The following ANKFN1 variants were observed in gnomAD, a reference collection of about 807,000 sequenced individuals.
ANKFN1 encodes ankyrin repeat and fibronectin type-III domain-containing protein 1.
Under a neutral mutation model 108.7 loss-of-function variants are expected in ANKFN1, and 74 were observed. The observed-to-expected ratio is 0.68, with a 90% CI of 0.56 to 0.83. The LOEUF (loss-of-function observed/expected upper bound fraction) is 0.83, where lower values mean the gene tolerates loss of function less well. ANKFN1 is among the 40% of genes least tolerant of loss of function. The pLI is 0.00. For synonymous variants in ANKFN1, 547 were observed against 516.2 expected (o/e 1.06, Z -0.81); for missense variants, 1,505 against 1,382.3 (o/e 1.09, Z -1.41).
intron 3 of ANKFN1, among the ~76,000 whole-genome samples, chr17:56,286,571 C>T (rs1330677581): frequency 2.6e-5 from 4 of 152,168 alleles, no homozygotes; most frequent in African/African-American, 7.2e-5. Context: ...TACATGGCCT[C>T]TCCATGTGAC....
At position 56,372,802 on chromosome 17, in the gene ANKFN1, G is replaced by A. The variant is rs752022371; in HGVS notation, c.758G>A (p.Arg253Gln). ...CTGAAAGCTTGGGAGTGGAGGTATCGGCTCTACAGACGCATGAAAACAGGC... is the reference window on the plus strand; with the variant it reads ...CTGAAAGCTTGGGAGTGGAGGTATCAGCTCTACAGACGCATGAAAACAGGC... ...KQLKAWEWRY[R>Q]LYRRMKTGFE... The change falls in exon 7 of 21, where the codon CGG (arginine) becomes CAG (glutamine). Residue 253 changes from arginine (R) to glutamine (Q), a missense_variant. Physicochemically the swap from Arg to Gln is conservative, Grantham distance 43. Coordinates refer to ENST00000682825, the MANE Select transcript of ANKFN1 (RefSeq NM_001370326.1). 4.3e-5 allele frequency: 69 copies of A among 1,613,780 alleles called. No homozygotes were observed. Among genetic ancestry groups the A allele is most frequent in the Non-Finnish European group, 5.0e-5 (59 of 1,179,952 alleles).
At chr17:56,120,349 C>A (rs191535441) in intron 4 of ANKFN1, among the ~76,000 whole-genome samples, 1 of 152,152 alleles carries the variant, frequency 6.6e-6, no homozygotes, top group Non-Finnish European at 1.5e-5. Context: ...CATCACCCTT[C>A]GGACTTGATC....
At chr17:56,507,304 C>T (rs904366068) in intron 20 of ANKFN1, among the ~76,000 whole-genome samples, 12 of 152,130 alleles carry the variant, frequency 7.9e-5, no homozygotes, top group African/African-American at 2.9e-4. Context: ...AGTTATTTAG[C>T]CCAGGTCTTT....
At chr17:56,356,175 C>T (rs1465609082) in intron 6 of ANKFN1, among the ~76,000 whole-genome samples, 1 of 152,090 alleles carries the variant, frequency 6.6e-6, no homozygotes, top group Admixed American at 6.5e-5. Context: ...TATCATGCAG[C>T]ACTCACCCTG....
chr17:56,123,318 T>C (rs2143305997), intron 4 of ANKFN1, among the ~76,000 whole-genome samples: 1 of 152,342 alleles, frequency 6.6e-6, no homozygotes, highest in South Asian at 2.1e-4. Flanking sequence ...GCTCCTGCCT[T>C]GAGCATCTCA....
At chr17:56,338,681 G>A (rs566658058) in intron 4 of ANKFN1, among the ~76,000 whole-genome samples, 302 of 151,794 alleles carry the variant, frequency 2.0e-3, no homozygotes, top group African/African-American at 6.6e-3. Context: ...AAAGAGTACC[G>A]TTGCTATCCA....
intron 2 of ANKFN1, among the ~76,000 whole-genome samples, chr17:56,220,656 A>AAAAG (rs993965168): frequency 1.3e-5 from 2 of 151,270 alleles, no homozygotes; most frequent in African/African-American, 2.4e-5. Context: ...ACTCTATCTA[A>AAAAG]AAAGAAAGAA....
At chr17:56,250,750 T>TA (rs2043215797) in intron 3 of ANKFN1, among the ~76,000 whole-genome samples, 1 of 152,248 alleles carries the variant, frequency 6.6e-6, no homozygotes, top group African/African-American at 2.4e-5. Context: ...GACCATTTTT[T>TA]AAAATGGTAT....
intron 3 of ANKFN1, among the ~76,000 whole-genome samples, chr17:56,292,540 G>A (rs1423697987): frequency 6.6e-6 from 1 of 152,104 alleles, no homozygotes; most frequent in Non-Finnish European, 1.5e-5. Context: ...GGTCCTACGA[G>A]GACAGAGGCA....
intron 3 of ANKFN1, among the ~76,000 whole-genome samples, chr17:56,302,748 A>G (rs1314170399): frequency 6.6e-6 from 1 of 152,192 alleles, no homozygotes; most frequent in Non-Finnish European, 1.5e-5. Flanking sequence ...AGGCTACCAA[A>G]CCAAGAGACA....
At position 56,285,835 on chromosome 17, in the gene ANKFN1, AATGATGATGATGATGATG is replaced by A. The variant is rs57493010; in HGVS notation, c.54-40365_54-40348del. ...CCTGTTGTTGGCCAGCCTGTCAGAC[AATGATGATGATGATGATG>A]ATGATGATGATGATGATGATCACCT... On this transcript the variant is annotated intron_variant, in intron 3 of 20. Coordinates refer to ENST00000682825, the MANE Select transcript of ANKFN1 (RefSeq NM_001370326.1). 1.2e-3 allele frequency among the ~76,000 whole-genome samples: 173 copies of A among 150,250 alleles called. 1 individual carries two copies. Among genetic ancestry groups the A allele is most frequent in the Non-Finnish European group, 1.9e-3 (127 of 67,560 alleles).
intron 6 of ANKFN1, among the ~76,000 whole-genome samples, chr17:56,369,831 C>T (rs1273218864): frequency 1.3e-5 from 2 of 152,174 alleles, no homozygotes; most frequent in Non-Finnish European, 2.9e-5. Context: ...TCTGACTTGT[C>T]CATGCAATTA....
At position 56,415,558 on chromosome 17, in the gene ANKFN1, CAGAGGACACAATATTGA is replaced by C. The variant is rs1372101255; in HGVS notation, c.911-24758_911-24742del. On this transcript the variant is annotated intron_variant, in intron 8 of 20. Coordinates refer to ENST00000682825, the MANE Select transcript of ANKFN1 (RefSeq NM_001370326.1). ...TATAAAACACTGATGAAAGAAATTG[CAGAGGACACAATATTGA>C]AGAGGACACATATCCCATGTTCATG... Among the ~76,000 whole-genome samples the C allele has an allele frequency of 6.6e-5, 10 of 152,142 alleles. No individual in the cohort carries two copies. In the East Asian group the frequency reaches 1.7e-3, roughly 26 times the overall value.
At chr17:56,212,848 T>A (rs1483274535) in intron 2 of ANKFN1, among the ~76,000 whole-genome samples, 169 bp downstream of exon 2, 2 of 152,354 alleles carry the variant, frequency 1.3e-5, no homozygotes, top group Non-Finnish European at 2.9e-5. Flanking sequence ...GGTGTTTTTT[T>A]TGCTACTTGG....
chr17:56,464,070 A>G (rs2049998798), intron 14 of ANKFN1, among the ~76,000 whole-genome samples: 1 of 152,218 alleles, frequency 6.6e-6, no homozygotes, highest in South Asian at 2.1e-4. Context: ...TTTAGGCCCT[A>G]AAGAACCTTG....
intron 20 of ANKFN1, among the ~76,000 whole-genome samples, chr17:56,502,802 C>T (rs371759206): frequency 6.6e-6 from 1 of 152,324 alleles, no homozygotes; most frequent in East Asian, 1.9e-4. Flanking sequence ...AATATAGAGC[C>T]TATCACAAAC....
intron 8 of ANKFN1, among the ~76,000 whole-genome samples, chr17:56,405,911 G>A (rs2047906881): frequency 6.6e-6 from 1 of 152,136 alleles, no homozygotes; most frequent in Non-Finnish European, 1.5e-5. Context: ...TATCTATGGT[G>A]GGAGGGAAAA....
At chr17:56,503,004 A>T (rs1200975210) in intron 20 of ANKFN1, among the ~76,000 whole-genome samples, 1 of 152,190 alleles carries the variant, frequency 6.6e-6, no homozygotes, top group Non-Finnish European at 1.5e-5. Context: ...TCAAGGACCC[A>T]AGGGGGAAAG....
chr17:56,210,619 G>A (rs917233515), intron 1 of ANKFN1, among the ~76,000 whole-genome samples: 1 of 152,036 alleles, frequency 6.6e-6, no homozygotes, highest in Non-Finnish European at 1.5e-5. Flanking sequence ...TGAATTATTT[G>A]TTGTATTAGT....
Sources: gnomAD v4.1 joint callset for allele counts (sites outside exome capture counted in the v4.1 genomes callset) on GRCh38, gnomAD v4.1.1 for gene constraint, MANE v1.5 for transcripts, NCBI Gene and HGNC (gene_info 2026-07-23, HGNC 2026-07-21) for gene names.